AGAP1: variants seen among roughly 807,000 people sequenced by gnomAD.
AGAP1 encodes the protein ArfGAP with GTPase domain, ankyrin repeat and PH domain 1.
AGAP1 carries 29 observed loss-of-function variants against 105.3 expected under a neutral mutation model. The ratio of observed to expected loss-of-function variants is 0.28; its 90% CI spans 0.21 to 0.38. The LOEUF is 0.38. Among genes scored for constraint, AGAP1 ranks in the 10% least tolerant of loss-of-function variants. The pLI is 1.00. For synonymous variants in AGAP1, 509 were observed against 485.9 expected (o/e 1.05, Z -0.63); for missense variants, 998 against 1,165.1 (o/e 0.86, Z 2.09).
At chr2:235,827,166 T>C (rs760676739) in intron 9 of AGAP1, among the ~76,000 whole-genome samples, 2 of 152,224 alleles carry the variant, frequency 1.3e-5, no homozygotes, top group Non-Finnish European at 2.9e-5. Flanking sequence ...TAAAAATATG[T>C]GTGACTTTTA....
At position 236,035,028 on chromosome 2, in the gene AGAP1, C is replaced by T. The variant is rs876739; in HGVS notation, c.1646-1533C>T. Reference sequence around the variant, plus strand: ...GGGTGAGTGGGGTGGCACGTCCTCACGTCCCAGGCTGCAGGCGCATTGTGA... The same window carrying T: ...GGGTGAGTGGGGTGGCACGTCCTCATGTCCCAGGCTGCAGGCGCATTGTGA... On this transcript the variant is annotated intron_variant, in intron 13 of 17. Transcript: ENST00000304032. This position sits in a 1 kb window ranked among gnomAD's most constrained non-coding sequence, Gnocchi z 4.2. Among the ~76,000 whole-genome samples the T allele has an allele frequency of 0.66, 99,580 of 151,998 alleles. 34,381 individuals carry two copies. Among genetic ancestry groups the T allele is most frequent in the African/African-American group, 0.88 (36,415 of 41,502 alleles).
chr2:235,979,346 A>G lies in AGAP1; in HGVS notation c.1645+10723A>G, dbSNP rs1015321429. ...GATTGATTAAGCCCCCCTGTCGTTC[A>G]TTTGAATCCTGCATCGCTGATTTAA... On this transcript the variant is annotated intron_variant, in intron 13 of 17. Transcript: ENST00000304032. The surrounding 1 kb of genome is among the most constrained non-coding windows in gnomAD (Gnocchi z 4.5). Among the ~76,000 whole-genome samples, 1 of 152,048 alleles carries G rather than the reference A, an allele frequency of 6.6e-6. No homozygotes were observed. Among genetic ancestry groups the G allele is most frequent in the Non-Finnish European group, 1.5e-5 (1 of 68,000 alleles).
intron 1 of AGAP1, among the ~76,000 whole-genome samples, chr2:235,634,755 A>AT (rs1224035007): frequency 2.6e-5 from 4 of 152,174 alleles, no homozygotes; most frequent in African/African-American, 4.8e-5. Flanking sequence ...GAGAACACTA[A>AT]TTTTTTTTAT....
chr2:235,934,287 A>G lies in AGAP1; in HGVS notation c.1483+3364A>G, dbSNP rs2052877316. On this transcript the variant is annotated intron_variant, in intron 12 of 17. Transcript: ENST00000304032. This position sits in a 1 kb window ranked among gnomAD's most constrained non-coding sequence, Gnocchi z 4.9. The stretch of plus-strand genomic sequence containing the variant: ...CCACTGCTGTAAGTCCTCACTTCCC[A>G]AAGCCTGGTCCACGGACCAAGTGGC... Among the ~76,000 whole-genome samples, 1 of 152,168 alleles carries G rather than the reference A, an allele frequency of 6.6e-6. No homozygotes were observed. The highest frequency in any genetic ancestry group is 1.5e-5 in the Non-Finnish European group (1 of 68,026).
intron 1 of AGAP1, among the ~76,000 whole-genome samples, chr2:235,512,089 A>ACG (rs985818073): frequency 5.9e-4 from 16 of 27,134 alleles, no homozygotes; most frequent in Admixed American, 1.9e-3. Context: ...GCGTGTGTGA[A>ACG]TGTGTGTGTG....
At chr2:235,653,988 GGAGATTGCAGTGAGCT>G (rs1559317132) in intron 1 of AGAP1, among the ~76,000 whole-genome samples, 1 of 152,172 alleles carries the variant, frequency 6.6e-6, no homozygotes, top group Non-Finnish European at 1.5e-5. Context: ...CCCGGGAGGC[GGAGATTGCAGTGAGCT>G]GAGATTGCAC....
rs559968794 is a variant in AGAP1 at position 236,055,752 on chromosome 2, G to A, written c.2114+6471G>A. Among the ~76,000 whole-genome samples the A allele has an allele frequency of 4.1e-4, 63 of 152,222 alleles. No individual in the cohort carries two copies. The highest frequency in any genetic ancestry group is 6.9e-4 in the Non-Finnish European group (47 of 68,044). ...TTTATACATCCTCGGCTATGCAAACGCAACAGCTGCTCAGGGACCTCAGCC... is the reference window on the plus strand; with the variant it reads ...TTTATACATCCTCGGCTATGCAAACACAACAGCTGCTCAGGGACCTCAGCC... On this transcript the variant is annotated intron_variant, in intron 16 of 17. Coordinates refer to ENST00000304032, the MANE Select transcript of AGAP1 (RefSeq NM_001037131.3). The surrounding 1 kb of genome is among the most constrained non-coding windows in gnomAD (Gnocchi z 6.2).
At chr2:235,709,343 A>C in intron 2 of AGAP1, 106 bp downstream of exon 2, 3 of 1,292,824 alleles carry the variant, frequency 2.3e-6, no homozygotes, top group Non-Finnish European at 3.4e-6. Flanking sequence ...CCCAGAGTGG[A>C]AGTGTGACTC....
chr2:236,125,697 G>A lies in AGAP1; in HGVS notation c.*1575G>A, dbSNP rs1277183558. ...GGCTCCTGAGAACCCAGACGACCTT[G>A]ACCTGGCAGCCCGGCCCTCCACGCT... On this transcript the variant is annotated 3_prime_UTR_variant, in exon 18 of 18. Coordinates refer to ENST00000304032, the MANE Select transcript of AGAP1 (RefSeq NM_001037131.3). The surrounding 1 kb of genome is among the most constrained non-coding windows in gnomAD (Gnocchi z 5.2). 2 of 152,184 alleles carry A rather than the reference G, an allele frequency of 1.3e-5. No individual in the cohort carries two copies. The highest frequency in any genetic ancestry group is 3.9e-4 in the East Asian group (2 of 5,180). The allele number at this position is 152,184 out of a possible 1,614,324, so 9.4% of individuals were successfully genotyped here.
rs866876057 is a variant in AGAP1 at position 235,582,604 on chromosome 2, G to T, written c.163+87755G>T. 1.3e-5 allele frequency among the ~76,000 whole-genome samples: 2 copies of T among 152,200 alleles called. No homozygotes were observed. The highest frequency in any genetic ancestry group is 3.2e-3 in the Middle Eastern group (1 of 316). On this transcript the variant is annotated intron_variant, in intron 1 of 17. Coordinates refer to ENST00000304032, the MANE Select transcript of AGAP1 (RefSeq NM_001037131.3). The surrounding 1 kb of genome is among the most constrained non-coding windows in gnomAD (Gnocchi z 4.7). ...TCAGATATAAAAGAAGGATTCTTTGGGGGAGGACCTATAAATATTTCTTAA... is the reference window on the plus strand; with the variant it reads ...TCAGATATAAAAGAAGGATTCTTTGTGGGAGGACCTATAAATATTTCTTAA...
intron 1 of AGAP1, among the ~76,000 whole-genome samples, chr2:235,532,120 G>GA: frequency 6.6e-6 from 1 of 152,224 alleles, no homozygotes; most frequent in Non-Finnish European, 1.5e-5. Context: ...TGCAAATATG[G>GA]AAAACTATAA....
rs930421413 is a variant in AGAP1 at position 235,959,574 on chromosome 2, C to T, written c.1484-8888C>T. Among the ~76,000 whole-genome samples the T allele has an allele frequency of 2.0e-5, 3 of 152,046 alleles. No homozygotes were observed. The highest frequency in any genetic ancestry group is 7.2e-5 in the African/African-American group (3 of 41,408). On this transcript the variant is annotated intron_variant, in intron 12 of 17. Transcript: ENST00000304032. This position sits in a 1 kb window ranked among gnomAD's most constrained non-coding sequence, Gnocchi z 7.3. ...AGGGCCTGGCCTCCAGGTGGGTCCT[C>T]TCTGGTCGCTCCTCACTGGTCTTGA...
At chr2:235,523,425 T>C (rs1942699929) in intron 1 of AGAP1, among the ~76,000 whole-genome samples, 1 of 152,052 alleles carries the variant, frequency 6.6e-6, no homozygotes, top group Non-Finnish European at 1.5e-5. Context: ...GCATGGTGAT[T>C]GTTGTGAATT....
At chr2:235,876,177 A>G (rs757491920) in intron 9 of AGAP1, among the ~76,000 whole-genome samples, 43 of 152,168 alleles carry the variant, frequency 2.8e-4, no homozygotes, top group Non-Finnish European at 6.2e-4. Context: ...AAATACTTGT[A>G]TCTGTTGTTT....
In AGAP1 at chr2:235,782,008, T is replaced by C. The variant is rs114429106; in HGVS notation, c.674-15751T>C. On this transcript the variant is annotated intron_variant, in intron 6 of 17. Coordinates refer to ENST00000304032, the MANE Select transcript of AGAP1 (RefSeq NM_001037131.3). The stretch of plus-strand genomic sequence containing the variant: ...TGTGGTTCCTTTCATGTTCACTGTT[T>C]GGCCATAGTTGATTGGAATTGTTGT... 2.5e-3 allele frequency among the ~76,000 whole-genome samples: 375 copies of C among 152,338 alleles called. 1 individual carries two copies. The highest frequency in any genetic ancestry group is 8.8e-3 in the African/African-American group (364 of 41,590).
chr2:235,755,418 G>A (rs1953842601), intron 6 of AGAP1, among the ~76,000 whole-genome samples: 1 of 152,154 alleles, frequency 6.6e-6, no homozygotes, highest in Admixed American at 6.5e-5. Context: ...TGTAGACATT[G>A]TTCCTCTGGT....
intron 13 of AGAP1, among the ~76,000 whole-genome samples, chr2:236,032,978 A>G (rs1340689165): frequency 6.6e-6 from 1 of 152,172 alleles, no homozygotes; most frequent in Non-Finnish European, 1.5e-5. Context: ...AGGTGCAGTG[A>G]CTTATGCCTG....
At chr2:236,065,008 A>C (rs2058307611) in intron 16 of AGAP1, among the ~76,000 whole-genome samples, 1 of 152,172 alleles carries the variant, frequency 6.6e-6, no homozygotes, top group Non-Finnish European at 1.5e-5. Context: ...ATGACTGATA[A>C]AAAAAGGAAG....
intron 1 of AGAP1, among the ~76,000 whole-genome samples, chr2:235,648,029 C>T (rs1559312793): frequency 2.0e-5 from 3 of 152,202 alleles, no homozygotes. Context: ...GACCTTCCAA[C>T]CCCCAAGTTA....
Sources: allele counts gnomAD v4.1 joint callset (sites outside exome capture counted in the v4.1 genomes callset), GRCh38; gene constraint gnomAD v4.1.1; non-coding constraint Gnocchi (gnomAD v3.1); transcripts MANE v1.5; gene names NCBI Gene and HGNC (gene_info 2026-07-23, HGNC 2026-07-21).